PDPR: variants seen among roughly 807,000 people sequenced by gnomAD.
PDPR encodes the protein pyruvate dehydrogenase phosphatase regulatory subunit, also known as pyruvate dehydrogenase phosphatase regulatory subunit, mitochondrial.
PDPR carries 50 observed loss-of-function variants against 102.2 expected under a neutral mutation model. The ratio of observed to expected loss-of-function variants is 0.49; its 90% CI spans 0.39 to 0.62. The LOEUF (loss-of-function observed/expected upper bound fraction) is 0.62. PDPR is among the 20% of genes least tolerant of loss of function. The probability of loss-of-function intolerance (pLI) is 0.00; values close to 1 mark genes in which losing one functional copy is unlikely to be tolerated. For missense variants in PDPR, 625 were observed against 1,098.2 expected, an observed-to-expected ratio of 0.57 and a Z score of 6.09; for synonymous variants, 259 against 406.0, an observed-to-expected ratio of 0.64 and a Z score of 4.35.
At chr16:70,117,551 AC>A (rs749415699) in intron 2 of PDPR, among the ~76,000 whole-genome samples, 1 of 152,010 alleles carries the variant, frequency 6.6e-6, no homozygotes, top group African/African-American at 2.4e-5. Flanking sequence ...AGAGGCTGTG[AC>A]CTGAGGAGAT....
chr16:70,141,229 T>G (rs368431278), intron 11 of PDPR, among the ~76,000 whole-genome samples: 418 of 152,198 alleles, frequency 2.7e-3, no homozygotes, highest in African/African-American at 9.7e-3. Context: ...AATTTATGTA[T>G]TTTTAGTAGA....
At chr16:70,133,270 T>TG (rs1425009696) in intron 9 of PDPR, among the ~76,000 whole-genome samples, 1 of 151,576 alleles carries the variant, frequency 6.6e-6, no homozygotes, top group Non-Finnish European at 1.5e-5. Context: ...TACAAGCGCC[T>TG]GCCACCACTC....
intron 14 of PDPR, 134 bp from the exon 15 acceptor site, chr16:70,144,287 A>G (rs1401606523): frequency 2.6e-6 from 1 of 380,994 alleles, no homozygotes; most frequent in South Asian, 2.2e-5. Flanking sequence ...GAATGGTGCT[A>G]CTGGCCTTCT....
Position 70,117,960 on chromosome 16 carries a change from G to A in PDPR, c.-32-2501G>A, listed in dbSNP as rs190112466. Among the ~76,000 whole-genome samples the A allele has an allele frequency of 4.2e-3, 636 of 152,098 alleles. 12 individuals are homozygous for A. Among genetic ancestry groups the A allele is most frequent in the African/African-American group, 0.014 (594 of 41,510 alleles). ...ATACAAAAAGTAACTGGGCGTGGTGGCGCGTGCTTGTAGTTCCAGCTGTTC... is the reference window on the plus strand; with the variant it reads ...ATACAAAAAGTAACTGGGCGTGGTGACGCGTGCTTGTAGTTCCAGCTGTTC... On this transcript the variant is annotated intron_variant, in intron 2 of 18. Transcript: ENST00000288050.
intron 18 of PDPR, among the ~76,000 whole-genome samples, chr16:70,154,770 G>T (rs1211774631): frequency 6.6e-6 from 1 of 152,368 alleles, no homozygotes; most frequent in South Asian, 2.1e-4. Context: ...CTCCCAAGTG[G>T]CTGGGACCAC....
In PDPR at chr16:70,153,381, C is replaced by T; in HGVS notation, c.2053-10C>T. ...TCTGCTGCTTATGAACTTTCTGTCT[C>T]TTCCTATAGTACGCCCTGCATGTAT... On this transcript the variant is annotated splice_polypyrimidine_tract_variant and intron_variant, in intron 17 of 18. Coordinates refer to ENST00000288050, the MANE Select transcript of PDPR (RefSeq NM_017990.5). 1 of 1,608,822 alleles carries T rather than the reference C, an allele frequency of 6.2e-7. No homozygotes were observed. Among genetic ancestry groups the T allele is most frequent in the Non-Finnish European group, 8.5e-7 (1 of 1,177,756 alleles).
chr16:70,135,347 C>A (rs1248527225), intron 9 of PDPR, among the ~76,000 whole-genome samples: 1 of 151,302 alleles, frequency 6.6e-6, no homozygotes, highest in Non-Finnish European at 1.5e-5. Flanking sequence ...AGCGATTTTT[C>A]TGCCTCAGCC....
chr16:70,113,985 G>C (rs555935223), upstream of PDPR: 2 of 151,710 alleles, frequency 1.3e-5, no homozygotes, highest in Admixed American at 1.3e-4. Flanking sequence ...AGGGAAGAAA[G>C]AACTCCCGCG....
chr16:70,146,224 G>A lies in PDPR; in HGVS notation c.1958G>A (p.Cys653Tyr). ...CCAGACCACTTCCCAAGCCTCTTTT[G>A]CAAGGTAAGTGCTGATAAAGTTCTG... ...MTPDHFPSLF[C>Y]KEMSVGYANG... Residue 653 changes from cysteine to tyrosine, a missense_variant, in exon 16 of 19, where the codon TGC (cysteine) becomes TAC (tyrosine). Cys to Tyr is a radical substitution (Grantham distance 194, BLOSUM62 -2). Transcript: ENST00000288050. 2 of 1,613,828 alleles carry A rather than the reference G, an allele frequency of 1.2e-6. No individual in the cohort carries two copies. The highest frequency in any genetic ancestry group is 8.5e-7 in the Non-Finnish European group (1 of 1,179,838).
chr16:70,132,122 C>G (rs778595467), intron 8 of PDPR, 29 bp from the exon 9 acceptor site: 1 of 1,601,862 alleles, frequency 6.2e-7, no homozygotes, highest in Non-Finnish European at 8.6e-7. Context: ...TTCTTCCACT[C>G]CCCACTCCAT....
chr16:70,116,734 G>T (rs578076441), intron 2 of PDPR, among the ~76,000 whole-genome samples: 2 of 151,978 alleles, frequency 1.3e-5, no homozygotes, highest in Non-Finnish European at 2.9e-5. Flanking sequence ...TAGAGACGGG[G>T]TTTCACCATG....
At chr16:70,154,703 C>T (rs547553163) in intron 18 of PDPR, among the ~76,000 whole-genome samples, 2 of 152,340 alleles carry the variant, frequency 1.3e-5, no homozygotes, top group South Asian at 2.1e-4. Context: ...AGTGCAGTGG[C>T]GCGATGTTGG....
intron 16 of PDPR, among the ~76,000 whole-genome samples, chr16:70,148,049 G>C (rs1439941099): frequency 6.6e-6 from 1 of 152,252 alleles, no homozygotes; most frequent in African/African-American, 2.4e-5. Context: ...AATTATGTCT[G>C]TGGGCATCGG....
At chr16:70,121,739 T>G (rs1322194735) in intron 3 of PDPR, among the ~76,000 whole-genome samples, 1 of 151,462 alleles carries the variant, frequency 6.6e-6, no homozygotes, top group Non-Finnish European at 1.5e-5. Flanking sequence ...ATTCTCAACC[T>G]GTGTTTAGCT....
chr16:70,127,354 C>T lies in PDPR; in HGVS notation c.322C>T (p.Leu108Phe), dbSNP rs779270546. The T allele has an allele frequency of 3.7e-6, 6 of 1,608,664 alleles. No individual in the cohort carries two copies. The African/African-American group carries it at 8.0e-5, about 21-fold the overall frequency. ...EQKMADYSNK[L>F]YYQLEQETGI... ...GAAGATGGCAGACTACTCAAACAAA[C>T]TCTACTATCAGTTAGAGCAAGAAAC... The change falls in exon 4 of 19, where the codon CTC becomes TTC. Residue 108 changes from leucine to phenylalanine, a missense_variant. Physicochemically the swap from Leu to Phe is conservative, Grantham distance 22 (BLOSUM62 0). This residue lies in a region of PDPR where 24 missense variants were observed against 61.7 expected (regional missense o/e 0.39). Transcript: ENST00000288050.
intron 3 of PDPR, among the ~76,000 whole-genome samples, chr16:70,122,854 T>TACACACACACACACACACACACACAC (rs71151173): frequency 2.3e-3 from 341 of 145,316 alleles, no homozygotes; most frequent in East Asian, 5.8e-3. Context: ...TATACACACA[T>TACACACACACACACACACACACACAC]ACACACACAC....
At chr16:70,150,212 T>A (rs1419255729) in intron 17 of PDPR, among the ~76,000 whole-genome samples, 1 of 151,048 alleles carries the variant, frequency 6.6e-6, no homozygotes, top group Non-Finnish European at 1.5e-5. Flanking sequence ...CAAGTGATTC[T>A]CCTGCCTCAG....
intron 10 of PDPR, among the ~76,000 whole-genome samples, chr16:70,137,080 C>T (rs1597342292): frequency 1.3e-5 from 2 of 150,998 alleles, no homozygotes; most frequent in South Asian, 2.2e-4. Flanking sequence ...AGGCCGGGCG[C>T]AGTGGCTCAC....
chr16:70,162,906 C>A (rs1382194177), downstream of PDPR, among the ~76,000 whole-genome samples: 2 of 152,278 alleles, frequency 1.3e-5, no homozygotes, highest in Non-Finnish European at 2.9e-5. Flanking sequence ...TGCTCTTTTT[C>A]TACACCAGCT....
Sources: allele counts gnomAD v4.1 joint callset (sites outside exome capture counted in the v4.1 genomes callset), GRCh38; gene constraint gnomAD v4.1.1; regional missense constraint gnomAD v4.1.1; transcripts MANE v1.5; gene names NCBI Gene and HGNC (gene_info 2026-07-23, HGNC 2026-07-21).